Variants in DOCK6 observed in about 807,000 individuals in gnomAD.
DOCK6 encodes the protein dedicator of cytokinesis 6, also known as dedicator of cytokinesis protein 6.
A neutral mutation model predicts 230.3 loss-of-function variants in DOCK6; 167 were observed. The observed-to-expected ratio is 0.73, with a 90% confidence interval of 0.64 to 0.82. The LOEUF (loss-of-function observed/expected upper bound fraction) is 0.82. Among genes scored for constraint, DOCK6 ranks in the 40% least tolerant of loss-of-function variants. The pLI, the probability that DOCK6 is intolerant of heterozygous loss-of-function variation, is 0.00. For synonymous variants in DOCK6, 1,148 were observed against 1,185.0 expected (o/e 0.97, Z 0.64); for missense variants, 2,598 against 2,825.8 (o/e 0.92, Z 1.83).
At chr19:11,256,230 C>T (rs1375720723) in intron 1 of DOCK6, among the ~76,000 whole-genome samples, 3 of 152,252 alleles carry the variant, frequency 2.0e-5, no homozygotes, top group East Asian at 1.9e-4. Flanking sequence ...CCTCCAGAAC[C>T]GTGGGCACAC....
intron 32 of DOCK6, 42 bp downstream of exon 32, chr19:11,215,345 A>C (rs1568226998): frequency 6.3e-7 from 1 of 1,581,472 alleles, no homozygotes; most frequent in Non-Finnish European, 8.7e-7. Context: ...CCTCGGCCCA[A>C]ACTGTTCTGA....
At chr19:11,232,724 G>A (rs887180545) in intron 22 of DOCK6, among the ~76,000 whole-genome samples, 1 of 151,960 alleles carries the variant, frequency 6.6e-6, no homozygotes, top group Non-Finnish European at 1.5e-5. Flanking sequence ...GGGTGAACAC[G>A]TATACGTGCC....
rs1448168824 is a variant in DOCK6, at chr19:11,208,699, C to T, written c.5075G>A (p.Gly1692Asp). The change falls in exon 39 of 48, where the codon GGC (glycine) becomes GAC (aspartate). Residue 1692 changes from glycine to aspartate, a missense_variant. Transcript: ENST00000294618. ...CCAAGGCCTCACCATGGTGAAGTAGCCGGCTGCCTGTTCCAGCAACCCTAC... is the reference window on the plus strand; with the variant it reads ...CCAAGGCCTCACCATGGTGAAGTAGTCGGCTGCCTGTTCCAGCAACCCTAC... The part of the protein sequence containing the change: ...GLVGLLEQAA[G>D]YFTMGGLYEA... The T allele has an allele frequency of 1.9e-6, 3 of 1,611,558 alleles. 1 individual carries two copies. Among genetic ancestry groups the T allele is most frequent in the East Asian group, 2.2e-5 (1 of 44,796 alleles).
In DOCK6 at chr19:11,243,836, G is replaced by C; in HGVS notation, c.1070C>G (p.Pro357Arg). ...GTCCACTTCTTTCAACACCATGTAA[G>C]GCTCACAGCACTCACTGATGTCCCC... ...QQGDISECCE[P>R]YMVLKEVDTA... Residue 357 changes from proline (P) to arginine (R), a missense_variant, in exon 10 of 48, where the codon CCT becomes CGT. Transcript: ENST00000294618. This position sits in a 1 kb window ranked among gnomAD's most constrained non-coding sequence, Gnocchi z 6.3. The C allele has an allele frequency of 6.2e-7, 1 of 1,613,048 alleles. No individual in the cohort carries two copies. Among genetic ancestry groups the C allele is most frequent in the East Asian group, 2.2e-5 (1 of 44,858 alleles).
At chr19:11,221,060 G>T (rs182493376) in intron 28 of DOCK6, 6 of 152,120 alleles carry the variant, frequency 3.9e-5, no homozygotes, top group Admixed American at 3.3e-4. Context: ...TCCTGACCTC[G>T]TGATCTGCCT....
intron 30 of DOCK6, chr19:11,216,677 G>C (rs1475591296): frequency 7.9e-6 from 4 of 505,960 alleles, no homozygotes; most frequent in Non-Finnish European, 1.4e-5. Context: ...CCAAAGTGCT[G>C]GGATTACAGG....
rs1308380582 is a variant in DOCK6, at chr19:11,245,572, C to T, written c.1014G>A (p.Leu338=). The change falls in exon 9 of 48, where the codon CTG becomes CTA. Residue 338 remains leucine, a synonymous_variant. Coordinates refer to ENST00000294618, the MANE Select transcript of DOCK6 (RefSeq NM_020812.4). Reference sequence around the variant, plus strand: ...CAGCCCCAGCAGGCACCTTGATGACCAGGAAGATGTCAGGTGAGGGGTAGG... The same window carrying T: ...CAGCCCCAGCAGGCACCTTGATGACTAGGAAGATGTCAGGTGAGGGGTAGG... The part of the protein sequence containing the change: ...SVTYPSPDIF[L]VIKLEKVLQQ... The T allele has an allele frequency of 1.9e-6, 3 of 1,557,664 alleles. No homozygotes were observed. In the East Asian group the frequency reaches 7.3e-5, roughly 38 times the overall value.
chr19:11,224,214 CTT>C (rs1555691471), intron 24 of DOCK6, among the ~76,000 whole-genome samples: 9 of 142,056 alleles, frequency 6.3e-5, no homozygotes, highest in Admixed American at 1.4e-4. Flanking sequence ...TTCTTTCTTT[CTT>C]TTTTTTTTTT....
In DOCK6 at chr19:11,222,133, A is replaced by T; in HGVS notation, c.3356T>A (p.Leu1119Gln). ...LAGLLLTELA[L>Q]ALEPEAEGAF... ...CCCTTCAGCCTCAGGTTCGAGGGCC[A>T]GTGCCAGCTCCGTCAGCAGGAGCCC... Residue 1119 changes from leucine (L) to glutamine (Q), a missense_variant, in exon 27 of 48, where the codon CTG becomes CAG. Physicochemically the swap from Leu to Gln is moderately radical, Grantham distance 113. Coordinates refer to ENST00000294618, the MANE Select transcript of DOCK6 (RefSeq NM_020812.4). The surrounding 1 kb of genome is among the most constrained non-coding windows in gnomAD (Gnocchi z 4.0). 1 of 1,613,172 alleles carries T rather than the reference A, an allele frequency of 6.2e-7. No individual in the cohort carries two copies. The highest frequency in any genetic ancestry group is 8.5e-7 in the Non-Finnish European group (1 of 1,179,610).
Position 11,243,596 on chromosome 19 carries a change from T to C in DOCK6, c.1219A>G (p.Ser407Gly), listed in dbSNP as rs756297691. The change falls in exon 11 of 48, where the codon AGC (serine) becomes GGC (glycine). Residue 407 changes from serine (S) to glycine (G), a missense_variant. By Grantham distance (56) the Ser-to-Gly change is moderately conservative. Coordinates refer to ENST00000294618, the MANE Select transcript of DOCK6 (RefSeq NM_020812.4). The surrounding 1 kb of genome is among the most constrained non-coding windows in gnomAD (Gnocchi z 6.3). ...TAVHLANIVS[S>G]AGQLDRDSDS... ...GAGTCCCGGTCCAGCTGCCCAGCGC[T>C]GCTCACGATGTTGGCCAAGTGCACG... 2 of 1,610,360 alleles carry C rather than the reference T, an allele frequency of 1.2e-6. No individual in the cohort carries two copies. The highest frequency in any genetic ancestry group is 1.7e-6 in the Non-Finnish European group (2 of 1,178,922).
chr19:11,203,120 C>G lies in DOCK6; in HGVS notation c.5236-411G>C, dbSNP rs1236382785. Among the ~76,000 whole-genome samples, 2 of 152,158 alleles carry G rather than the reference C, an allele frequency of 1.3e-5. 1 individual carries two copies. Among genetic ancestry groups the G allele is most frequent in the Admixed American group, 1.3e-4 (2 of 15,280 alleles). On this transcript the variant is annotated intron_variant, in intron 41 of 47. Transcript: ENST00000294618. ...CTTGGATGGCTGAGGGAAGGGATGGCTGTGTCTCACTCTAGGACAGTGGCT... is the reference window on the plus strand; with the variant it reads ...CTTGGATGGCTGAGGGAAGGGATGGGTGTGTCTCACTCTAGGACAGTGGCT...
At chr19:11,225,934 T>C (rs1424013174) in intron 24 of DOCK6, among the ~76,000 whole-genome samples, 1 of 151,050 alleles carries the variant, frequency 6.6e-6, no homozygotes, top group Non-Finnish European at 1.5e-5. Flanking sequence ...TCACAGCTAC[T>C]TGGGAGGCTG....
intron 14 of DOCK6, 109 bp downstream of exon 14, chr19:11,241,936 G>GCATCT (rs924376409): frequency 1.2e-5 from 17 of 1,395,982 alleles, no homozygotes; most frequent in Admixed American, 2.5e-5. Flanking sequence ...CAGAGTCGTG[G>GCATCT]CATCTCACCC....
At position 11,252,538 on chromosome 19, in the gene DOCK6, G is replaced by C; in HGVS notation, c.321C>G (p.Ala107=). The change falls in exon 4 of 48, where the codon GCC becomes GCG. Residue 107 remains alanine, a synonymous_variant. Transcript: ENST00000294618. ...ACATCTCCACCGCGGCCCTCACCTG[G>C]GCATCCAGTTTTCTGCAGCAAAAGA... ...PGIPKDEKLD[A]QVRAAVEMYI... is the part of the protein sequence containing the mutation. 1.9e-6 allele frequency: 3 copies of C among 1,613,812 alleles called. No individual in the cohort carries two copies. The African/African-American group carries it at 4.0e-5, about 22-fold the overall frequency.
intron 16 of DOCK6, 77 bp downstream of exon 16, chr19:11,237,968 G>C: frequency 6.6e-7 from 1 of 1,521,018 alleles, no homozygotes; most frequent in Non-Finnish European, 9.0e-7. Context: ...CATCGATGCT[G>C]CCTTATGTGT....
chr19:11,236,821 A>G lies in DOCK6; in HGVS notation c.2132T>C (p.Leu711Pro). The G allele has an allele frequency of 6.4e-7, 1 of 1,555,006 alleles. No individual in the cohort carries two copies. The highest frequency in any genetic ancestry group is 8.7e-7 in the Non-Finnish European group (1 of 1,149,384). The change falls in exon 19 of 48, where the codon CTC (leucine) becomes CCC (proline). Residue 711 changes from leucine (L) to proline (P), a missense_variant. Leu to Pro is a moderately conservative substitution (Grantham distance 98). Transcript: ENST00000294618. The surrounding 1 kb of genome is among the most constrained non-coding windows in gnomAD (Gnocchi z 5.2). The stretch of plus-strand genomic sequence containing the variant: ...GGGGTGCACAGAGGACACGGCTGTG[A>G]GCTCCACACTGAACACGCCCTTGTG... ...DGHKGVFSVE[L>P]TAVSSVHPQD... is the part of the protein sequence containing the mutation.
chr19:11,214,759 G>A, intron 32 of DOCK6, 110 bp from the exon 33 acceptor site: 1 of 972,496 alleles, frequency 1.0e-6, no homozygotes, highest in Non-Finnish European at 1.6e-6. Context: ...CCTGGAAGCT[G>A]TTCTGTTTTT....
chr19:11,239,763 C>T, intron 14 of DOCK6: 1 of 1,611,926 alleles, frequency 6.2e-7, no homozygotes, highest in East Asian at 2.2e-5. Flanking sequence ...TCCATGGGAC[C>T]CTGCAGCTGG....
intron 1 of DOCK6, among the ~76,000 whole-genome samples, chr19:11,259,435 G>GGGGA (rs2080248043): frequency 2.0e-5 from 3 of 148,160 alleles, no homozygotes; most frequent in Non-Finnish European, 1.5e-5. Flanking sequence ...CAAGGATGGG[G>GGGGA]GAGAGAGAGA....
Sources: allele counts gnomAD v4.1 joint callset (sites outside exome capture counted in the v4.1 genomes callset), GRCh38; gene constraint gnomAD v4.1.1; non-coding constraint Gnocchi (gnomAD v3.1); transcripts MANE v1.5; gene names NCBI Gene and HGNC (gene_info 2026-07-23, HGNC 2026-07-21).